ABCA4: variants seen among roughly 807,000 people sequenced by gnomAD.
ABCA4 encodes the protein ATP binding cassette subfamily A member 4.
In ABCA4, 196 loss-of-function variants were observed where a neutral mutation model predicts 263.7. That is an observed-to-expected ratio of 0.74 (90% CI 0.66 to 0.84). The LOEUF is 0.84. Among genes scored for constraint, ABCA4 ranks in the 40% least tolerant of loss-of-function variants. The pLI is 0.00. For missense variants in ABCA4, 2,792 were observed against 2,855.1 expected, an observed-to-expected ratio of 0.98 and a Z score of 0.50; for synonymous variants, 1,133 against 1,094.2, an observed-to-expected ratio of 1.04 and a Z score of -0.70.
Position 94,008,244 on chromosome 1 carries a change from G to T in ABCA4, c.5889C>A (p.Arg1963=). The T allele has an allele frequency of 1.2e-6, 2 of 1,614,160 alleles. No homozygotes were observed. Among genetic ancestry groups the T allele is most frequent in the Non-Finnish European group, 1.7e-6 (2 of 1,180,020 alleles). Residue 1963 remains arginine (R), a synonymous_variant, in exon 42 of 50, where the codon CGC becomes CGA. Coordinates refer to ENST00000370225, the MANE Select transcript of ABCA4 (RefSeq NM_000350.3). ...PAVDRLCVGV[R]PGECFGLLGV... ...TCTGCAGAGTACCCACCTCTCCAGGGCGAACTCCGACACACAGCCTGTCCA... is the reference window on the plus strand; with the variant it reads ...TCTGCAGAGTACCCACCTCTCCAGGTCGAACTCCGACACACAGCCTGTCCA...
intron 5 of ABCA4, 35 bp downstream of exon 5, chr1:94,102,980 C>G: frequency 6.2e-7 from 1 of 1,614,000 alleles, no homozygotes; most frequent in Non-Finnish European, 8.5e-7. Flanking sequence ...GCTTCCCTCC[C>G]CTCCAGGGAC....
At position 94,015,650 on chromosome 1, in the gene ABCA4, C is replaced by A. The variant is rs1659712416; in HGVS notation, c.5312+89G>T. 6 of 1,102,732 alleles carry A rather than the reference C, an allele frequency of 5.4e-6. No individual in the cohort carries two copies. In the Admixed American group the frequency reaches 1.2e-4, roughly 21 times the overall value. 68.3% of individuals were successfully genotyped at this position (1,102,732 alleles called of 1,614,324 possible). A position where few individuals can be genotyped will look rare whatever the true frequency, so the allele number is the denominator to read the frequency against. On this transcript the variant is annotated intron_variant, in intron 37 of 49. Coordinates refer to ENST00000370225, the MANE Select transcript of ABCA4 (RefSeq NM_000350.3). The stretch of plus-strand genomic sequence containing the variant: ...ACTTGTGGGTGCTACCACCACAGGA[C>A]AGCCCAGGTTTTCTGTCAGGAGATG...
intron 45 of ABCA4, chr1:94,001,545 A>G (rs1659182963): frequency 3.5e-6 from 2 of 578,366 alleles, no homozygotes; most frequent in African/African-American, 3.7e-5. Flanking sequence ...GTGCTCCTGT[A>G]TGGGGACCAG....
At chr1:94,111,645 G>C (rs1662608283) in intron 2 of ABCA4, 66 bp from the exon 3 acceptor site, 2 of 1,599,848 alleles carry the variant, frequency 1.3e-6, no homozygotes, top group Admixed American at 1.7e-5. Context: ...GCAGACCTAG[G>C]AGTTGGCCTT....
chr1:94,007,596 T>G, intron 43 of ABCA4, 38 bp downstream of exon 43: 3 of 1,554,520 alleles, frequency 1.9e-6, no homozygotes, highest in Non-Finnish European at 2.7e-6. Context: ...ACAGGACCTG[T>G]GAGAGACTCC....
At chr1:94,010,535 A>T in intron 40 of ABCA4, 1 of 577,682 alleles carries the variant, frequency 1.7e-6, no homozygotes, top group Non-Finnish European at 3.1e-6. Context: ...ACATTTGGTA[A>T]TTAAATGAGA....
In ABCA4 at chr1:94,021,729, A is replaced by C; in HGVS notation, c.4774-15T>G. 1.2e-6 allele frequency: 2 copies of C among 1,611,518 alleles called. No homozygotes were observed. The highest frequency in any genetic ancestry group is 1.7e-6 in the Non-Finnish European group (2 of 1,177,924). On this transcript the variant is annotated splice_polypyrimidine_tract_variant and intron_variant, in intron 33 of 49. Transcript: ENST00000370225. ...GTGATAGGGCCCTAAAAACCATGTAAACAAACAAACAAGACGGTTTTAATT... is the reference window on the plus strand; with the variant it reads ...GTGATAGGGCCCTAAAAACCATGTACACAAACAAACAAGACGGTTTTAATT...
Position 94,031,047 on chromosome 1 carries a change from G to A in ABCA4, c.4202C>T (p.Pro1401Leu). The A allele has an allele frequency of 6.2e-7, 1 of 1,614,142 alleles. No homozygotes were observed. Among genetic ancestry groups the A allele is most frequent in the Non-Finnish European group, 8.5e-7 (1 of 1,180,012 alleles). ...TATCCAGGGGTGAAGGGTCAAAGCGGGGTATTCGCCAAAAGGAGGGATAAC... is the reference window on the plus strand; with the variant it reads ...TATCCAGGGGTGAAGGGTCAAAGCGAGGTATTCGCCAAAAGGAGGGATAAC... The part of the protein sequence containing the change: ...SIVIPPFGEY[P>L]ALTLHPWIYG... Residue 1401 changes from proline (P) to leucine (L), a missense_variant, in exon 28 of 50, where the codon CCC (proline) becomes CTC (leucine). Transcript: ENST00000370225.
At chr1:93,994,351 G>A (rs1658942489) in intron 49 of ABCA4, among the ~76,000 whole-genome samples, 1 of 152,176 alleles carries the variant, frequency 6.6e-6, no homozygotes, top group Admixed American at 6.5e-5. Context: ...GAGTAAAAAT[G>A]TTCTTGGTAA....
At chr1:94,038,374 A>G (rs938268070) in intron 24 of ABCA4, among the ~76,000 whole-genome samples, 3 of 152,220 alleles carry the variant, frequency 2.0e-5, no homozygotes, top group Non-Finnish European at 4.4e-5. Context: ...GGCAGGTCAA[A>G]GGGAGAGGGA....
At chr1:94,045,598 T>C in intron 19 of ABCA4, 1 of 379,904 alleles carries the variant, frequency 2.6e-6, no homozygotes, top group Non-Finnish European at 5.3e-6. Flanking sequence ...AGAAAGCAGA[T>C]GGATGCAGGG....
At chr1:94,057,260 A>T (rs1230876852) in intron 14 of ABCA4, among the ~76,000 whole-genome samples, 1 of 152,178 alleles carries the variant, frequency 6.6e-6, no homozygotes, top group Non-Finnish European at 1.5e-5. Context: ...CCTCCTGTGA[A>T]TCACTGTTTG....
At chr1:94,022,076 C>T (rs184164222) in intron 32 of ABCA4, 125 bp from the exon 33 acceptor site, 1 of 792,478 alleles carries the variant, frequency 1.3e-6, no homozygotes, top group Non-Finnish European at 2.2e-6. Context: ...AGCAACATGG[C>T]TCCACTTTAC....
At chr1:94,033,344 G>A (rs1432697324) in intron 26 of ABCA4, among the ~76,000 whole-genome samples, 1 of 151,370 alleles carries the variant, frequency 6.6e-6, no homozygotes, top group South Asian at 2.1e-4. Context: ...GGACCCCTTG[G>A]GCCCAGGAGG....
chr1:94,032,601 CT>C (rs1269498799), intron 26 of ABCA4, among the ~76,000 whole-genome samples: 6 of 152,322 alleles, frequency 3.9e-5, no homozygotes, highest in African/African-American at 1.4e-4. Flanking sequence ...CAAGACTGCA[CT>C]CCAGCCTGGG....
intron 10 of ABCA4, 95 bp from the exon 11 acceptor site, chr1:94,077,982 G>T: frequency 6.4e-6 from 8 of 1,258,800 alleles, no homozygotes; most frequent in Non-Finnish European, 8.0e-6. Flanking sequence ...AGTGATTGAG[G>T]ATAGAGATGC....
chr1:94,112,775 A>G (rs1418115405), intron 2 of ABCA4, among the ~76,000 whole-genome samples, 198 bp downstream of exon 2: 7 of 152,250 alleles, frequency 4.6e-5, no homozygotes, highest in South Asian at 2.1e-4. Context: ...AGCCTCGGCA[A>G]CAGAGTGAGA....
At chr1:94,106,872 C>T (rs1259622559) in intron 4 of ABCA4, among the ~76,000 whole-genome samples, 1 of 152,088 alleles carries the variant, frequency 6.6e-6, no homozygotes, top group Admixed American at 6.5e-5. Context: ...TCCACTGGGC[C>T]CCACACGCGC....
intron 44 of ABCA4, among the ~76,000 whole-genome samples, chr1:94,003,211 C>A (rs891040098): frequency 3.3e-5 from 5 of 152,182 alleles, no homozygotes; most frequent in African/African-American, 1.2e-4. Context: ...ATCCTTCTAT[C>A]ATTTTTTTTC....
Sources: gnomAD v4.1 joint callset for allele counts (sites outside exome capture counted in the v4.1 genomes callset) on GRCh38, gnomAD v4.1.1 for gene constraint, MANE v1.5 for transcripts, NCBI Gene and HGNC (gene_info 2026-07-23, HGNC 2026-07-21) for gene names.